SH3GL2: variants seen among roughly 807,000 people sequenced by gnomAD.
SH3GL2 encodes endophilin-A1.
Under a neutral mutation model 46.0 loss-of-function variants are expected in SH3GL2, and 24 were observed. The observed-to-expected ratio is 0.52, with a 90% CI of 0.38 to 0.73. The LOEUF is 0.73. Ranked by LOEUF, SH3GL2 falls within the 30% of genes least tolerant of loss-of-function variation. SH3GL2 has a pLI of 0.00. For synonymous variants in SH3GL2, 196 were observed against 147.1 expected, an observed-to-expected ratio of 1.33 and a Z score of -2.40; for missense variants, 413 against 424.2, an observed-to-expected ratio of 0.97 and a Z score of 0.23.
chr9:17,680,849 G>C (rs1021968469), intron 1 of SH3GL2, among the ~76,000 whole-genome samples: 2 of 152,008 alleles, frequency 1.3e-5, no homozygotes, highest in East Asian at 3.9e-4. Context: ...TCGTTGGTTT[G>C]AAAGAACATC....
At chr9:17,653,555 C>G (rs1820002936) in intron 1 of SH3GL2, among the ~76,000 whole-genome samples, 1 of 152,152 alleles carries the variant, frequency 6.6e-6, no homozygotes, top group Admixed American at 6.6e-5. Flanking sequence ...CTGGACTCAT[C>G]TTTAATTCCT....
chr9:17,669,358 GTCAAAACATAGAGCAGTT>G (rs1198351781), intron 1 of SH3GL2, among the ~76,000 whole-genome samples: 1 of 152,152 alleles, frequency 6.6e-6, no homozygotes, highest in African/African-American at 2.4e-5. Context: ...CACCACCGCA[GTCAAAACATAGAGCAGTT>G]TCATCACTGC....
At chr9:17,715,911 G>A (rs1235032124) in intron 1 of SH3GL2, among the ~76,000 whole-genome samples, 3 of 152,018 alleles carry the variant, frequency 2.0e-5, no homozygotes, top group African/African-American at 7.2e-5. Flanking sequence ...AATATCTCAT[G>A]CAGTTTATTG....
At chr9:17,762,358 C>T (rs940255702) in intron 3 of SH3GL2, among the ~76,000 whole-genome samples, 1 of 150,596 alleles carries the variant, frequency 6.6e-6, no homozygotes, top group Non-Finnish European at 1.5e-5. Context: ...ACTGCTTCAG[C>T]CCCAATGAGT....
At chr9:17,737,503 A>C (rs895217281) in intron 1 of SH3GL2, among the ~76,000 whole-genome samples, 3 of 152,106 alleles carry the variant, frequency 2.0e-5, no homozygotes, top group African/African-American at 7.2e-5. Flanking sequence ...TACATCACAT[A>C]TACGCAGTTT....
In SH3GL2 at chr9:17,795,738, C is replaced by T; in HGVS notation, c.1054C>T (p.His352Tyr). Residue 352 changes from histidine to tyrosine, a missense_variant, in exon 9 of 9, where the codon CAT becomes TAT. By Grantham distance (83) the His-to-Tyr change is moderately conservative. Transcript: ENST00000380607. ...TGTGGAAATTCTGGTTGCCCTGCCCCATTAGGATGTTATGCTGGCTGGCTC... is the reference window on the plus strand; with the variant it reads ...TGTGGAAATTCTGGTTGCCCTGCCCTATTAGGATGTTATGCTGGCTGGCTC... ...NYVEILVALP[H>Y] 1 of 1,613,078 alleles carries T rather than the reference C, an allele frequency of 6.2e-7. No individual in the cohort carries two copies. The highest frequency in any genetic ancestry group is 8.5e-7 in the Non-Finnish European group (1 of 1,179,338).
intron 1 of SH3GL2, among the ~76,000 whole-genome samples, chr9:17,597,055 T>A (rs1481033580): frequency 6.6e-6 from 1 of 152,194 alleles, no homozygotes; most frequent in Non-Finnish European, 1.5e-5. Context: ...CTGCAGCATC[T>A]TGTGATGTTT....
chr9:17,737,648 C>G (rs369869694), intron 1 of SH3GL2, among the ~76,000 whole-genome samples: 2 of 152,092 alleles, frequency 1.3e-5, no homozygotes, highest in African/African-American at 4.8e-5. Flanking sequence ...CTGTTATGAC[C>G]TCTTTCTTTC....
intron 1 of SH3GL2, among the ~76,000 whole-genome samples, chr9:17,634,981 T>G (rs1218148507): frequency 1.3e-5 from 2 of 150,908 alleles, no homozygotes; most frequent in Non-Finnish European, 2.9e-5. Context: ...CTTTTGTTTG[T>G]TTTTAATTTT....
chr9:17,748,235 T>C (rs1822749396), intron 2 of SH3GL2, among the ~76,000 whole-genome samples: 1 of 152,168 alleles, frequency 6.6e-6, no homozygotes, highest in Non-Finnish European at 1.5e-5. Context: ...GTGTGTTACA[T>C]TGTGCACAGA....
Position 17,795,868 on chromosome 9 carries a change from C to G in SH3GL2, c.*125C>G, listed in dbSNP as rs148147987. 3.5e-4 allele frequency: 264 copies of G among 750,798 alleles called. No individual in the cohort carries two copies. Among genetic ancestry groups the G allele is most frequent in the African/African-American group, 3.1e-3 (176 of 56,782 alleles). 46.5% of individuals were successfully genotyped at this position (750,798 alleles called of 1,614,324 possible). ...AGTGGTCCACGTCATCCAGCCCCAC[C>G]AAGTGACTTTGGTTGACTTGTGGGC... On this transcript the variant is annotated 3_prime_UTR_variant, in exon 9 of 9. Coordinates refer to ENST00000380607, the MANE Select transcript of SH3GL2 (RefSeq NM_003026.5).
chr9:17,701,085 A>C (rs1821333622), intron 1 of SH3GL2, among the ~76,000 whole-genome samples: 1 of 152,160 alleles, frequency 6.6e-6, no homozygotes, highest in Non-Finnish European at 1.5e-5. Flanking sequence ...ATTCAGCTTA[A>C]AGTGGGCCCA....
intron 2 of SH3GL2, among the ~76,000 whole-genome samples, chr9:17,756,205 T>C (rs946315507): frequency 6.6e-6 from 1 of 152,064 alleles, no homozygotes. Context: ...TGCAGTAAAA[T>C]AGTAGTCTCA....
chr9:17,639,172 G>T (rs1213071676), intron 1 of SH3GL2, among the ~76,000 whole-genome samples: 1 of 152,148 alleles, frequency 6.6e-6, no homozygotes, highest in Non-Finnish European at 1.5e-5. Flanking sequence ...TATTTTAAAA[G>T]ACATGGAAGG....
At chr9:17,765,705 C>G (rs983475632) in intron 3 of SH3GL2, among the ~76,000 whole-genome samples, 12 of 152,180 alleles carry the variant, frequency 7.9e-5, no homozygotes, top group African/African-American at 2.7e-4. Context: ...TTCCTTGGCT[C>G]CAACCACATT....
At chr9:17,651,548 C>G (rs904970284) in intron 1 of SH3GL2, among the ~76,000 whole-genome samples, 1 of 152,156 alleles carries the variant, frequency 6.6e-6, no homozygotes, top group Non-Finnish European at 1.5e-5. Flanking sequence ...TTATATTTGA[C>G]AGCTTTGCAG....
At chr9:17,735,804 G>T (rs1822317801) in intron 1 of SH3GL2, 1 of 912,604 alleles carries the variant, frequency 1.1e-6, no homozygotes, top group African/African-American at 1.8e-5. Flanking sequence ...AAGGGCTTAA[G>T]TTAGCAGGTA....
chr9:17,768,479 G>A (rs955452561), intron 3 of SH3GL2, among the ~76,000 whole-genome samples: 4 of 151,506 alleles, frequency 2.6e-5, no homozygotes, highest in African/African-American at 9.7e-5. Context: ...GGCACCTCAC[G>A]TGAATAGTCC....
chr9:17,650,906 A>G (rs1463703256), intron 1 of SH3GL2, among the ~76,000 whole-genome samples: 2 of 152,172 alleles, frequency 1.3e-5, no homozygotes, highest in Non-Finnish European at 2.9e-5. Flanking sequence ...CCTTAATGCT[A>G]GAACAATAGG....
Sources: allele counts gnomAD v4.1 joint callset (sites outside exome capture counted in the v4.1 genomes callset), GRCh38; gene constraint gnomAD v4.1.1; transcripts MANE v1.5; gene names NCBI Gene and HGNC (gene_info 2026-07-23, HGNC 2026-07-21).